DPYSL5: variants seen among roughly 807,000 people sequenced by gnomAD.
DPYSL5 encodes the protein dihydropyrimidinase like 5.
A neutral mutation model predicts 58.4 loss-of-function variants in DPYSL5; 9 were observed. The ratio of observed to expected loss-of-function variants is 0.15; its 90% CI spans 0.09 to 0.27. The LOEUF is 0.27. Ranked by LOEUF, DPYSL5 falls within the 10% of genes least tolerant of loss-of-function variation. DPYSL5 has a pLI of 1.00. For synonymous variants in DPYSL5, 293 were observed against 301.9 expected (o/e 0.97, Z 0.31); for missense variants, 499 against 770.6 (o/e 0.65, Z 4.17).
chr2:26,885,944 T>C (rs1198233571), intron 1 of DPYSL5, among the ~76,000 whole-genome samples: 1 of 152,160 alleles, frequency 6.6e-6, no homozygotes, highest in Non-Finnish European at 1.5e-5. Context: ...CTGGGTTGGA[T>C]AGGAATCTGG....
chr2:26,914,555 TG>T (rs955384677), intron 2 of DPYSL5, among the ~76,000 whole-genome samples: 13 of 152,204 alleles, frequency 8.5e-5, no homozygotes, highest in African/African-American at 2.7e-4. Context: ...ATGACCTGGC[TG>T]CTCCCTACAG....
chr2:26,918,812 G>T (rs142667757), intron 2 of DPYSL5, among the ~76,000 whole-genome samples: 3 of 151,998 alleles, frequency 2.0e-5, no homozygotes, highest in African/African-American at 4.8e-5. Flanking sequence ...GCATATTTTC[G>T]TATGAAGATA....
At chr2:26,867,814 C>G (rs1281815311) in intron 1 of DPYSL5, among the ~76,000 whole-genome samples, 1 of 152,162 alleles carries the variant, frequency 6.6e-6, no homozygotes, top group Non-Finnish European at 1.5e-5. Flanking sequence ...GTGCCTGTCT[C>G]CTCATGTTCT....
intron 1 of DPYSL5, among the ~76,000 whole-genome samples, chr2:26,871,790 C>T (rs1663268386): frequency 6.6e-6 from 1 of 152,094 alleles, no homozygotes; most frequent in Non-Finnish European, 1.5e-5. Context: ...TACATTTTTA[C>T]TTGAAGTTTT....
chr2:26,888,358 C>T (rs1663783002), intron 1 of DPYSL5, among the ~76,000 whole-genome samples: 1 of 152,110 alleles, frequency 6.6e-6, no homozygotes, highest in East Asian at 1.9e-4. Flanking sequence ...GCAATCTCTG[C>T]CTCCCAGGTT....
At chr2:26,913,608 A>G (rs946153234) in intron 2 of DPYSL5, among the ~76,000 whole-genome samples, 1 of 152,224 alleles carries the variant, frequency 6.6e-6, no homozygotes, top group Admixed American at 6.5e-5. Context: ...TTTCCATTAC[A>G]GAGTCATTTT....
intron 6 of DPYSL5, among the ~76,000 whole-genome samples, chr2:26,932,401 T>G (rs569298696): frequency 1.3e-5 from 2 of 152,180 alleles, no homozygotes; most frequent in Non-Finnish European, 2.9e-5. Flanking sequence ...CTGCTGAAGC[T>G]CAGTTCATTG....
At chr2:26,865,382 G>A (rs1218570252) in intron 1 of DPYSL5, among the ~76,000 whole-genome samples, 6 of 146,722 alleles carry the variant, frequency 4.1e-5, no homozygotes, top group South Asian at 4.4e-4. Context: ...GTGCAGTGGC[G>A]CGATCTCAGC....
Position 26,931,529 on chromosome 2 carries a change from C to A in DPYSL5, c.670-111C>A, listed in dbSNP as rs996189652. On this transcript the variant is annotated intron_variant, in intron 5 of 12. Transcript: ENST00000288699. ...GTTAGTGCCTCTGCCCGGGCTTTGC[C>A]CCGAGCCAACCCCTATGGGTGCAGT... is the stretch of plus-strand genomic sequence containing the variant. The A allele has an allele frequency of 7.4e-6, 10 of 1,351,182 alleles. No homozygotes were observed. The African/African-American group carries it at 1.1e-4, about 15-fold the overall frequency. The allele number at this position is 1,351,182 out of a possible 1,614,324, so 83.7% of individuals were successfully genotyped here. A position where few individuals can be genotyped will look rare whatever the true frequency, so the allele number is the denominator to read the frequency against.
intron 2 of DPYSL5, among the ~76,000 whole-genome samples, chr2:26,918,641 C>T (rs1205043595): frequency 2.6e-5 from 4 of 152,202 alleles, no homozygotes; most frequent in Non-Finnish European, 5.9e-5. Context: ...TTGCACTGTG[C>T]TTACCAGTTT....
At chr2:26,919,489 T>C (rs1664653007) in intron 2 of DPYSL5, among the ~76,000 whole-genome samples, 1 of 152,228 alleles carries the variant, frequency 6.6e-6, no homozygotes, top group Non-Finnish European at 1.5e-5. Context: ...TTCCAAATAA[T>C]ATACAATGGT....
chr2:26,883,881 T>C lies in DPYSL5; in HGVS notation c.-4-14615T>C, dbSNP rs1365604442. ...GTAGCCCGGGTTTGTGGTCCTTTCA[T>C]GGTTAAGAAAATACATCCTTTCCTC... On this transcript the variant is annotated intron_variant, in intron 1 of 12. Coordinates refer to ENST00000288699, the MANE Select transcript of DPYSL5 (RefSeq NM_020134.4). 2.6e-5 allele frequency among the ~76,000 whole-genome samples: 4 copies of C among 152,222 alleles called. No homozygotes were observed. In the East Asian group the frequency reaches 5.8e-4, roughly 22 times the overall value.
chr2:26,870,300 T>C (rs2148116562), intron 1 of DPYSL5, among the ~76,000 whole-genome samples: 1 of 152,342 alleles, frequency 6.6e-6, no homozygotes, highest in East Asian at 1.9e-4. Flanking sequence ...TCAGATGTCT[T>C]CAACTTTTAT....
At chr2:26,906,271 C>G (rs1172836087) in intron 2 of DPYSL5, among the ~76,000 whole-genome samples, 1 of 151,632 alleles carries the variant, frequency 6.6e-6, no homozygotes, top group East Asian at 1.9e-4. Context: ...GCAACCTCCA[C>G]TTCCCAGGTT....
At chr2:26,888,234 T>TTTCC in intron 1 of DPYSL5, among the ~76,000 whole-genome samples, 2 of 144,602 alleles carry the variant, frequency 1.4e-5, no homozygotes, top group African/African-American at 5.3e-5. Flanking sequence ...TCTTTCTTTC[T>TTTCC]TTCTTTCTTT....
chr2:26,913,987 A>G (rs986020413), intron 2 of DPYSL5, among the ~76,000 whole-genome samples: 11 of 150,990 alleles, frequency 7.3e-5, no homozygotes, highest in African/African-American at 2.7e-4. Context: ...GAGCTGATAT[A>G]TATACTAACT....
In DPYSL5 at chr2:26,876,811, C is replaced by T. The variant is rs563531359; in HGVS notation, c.-4-21685C>T. On this transcript the variant is annotated intron_variant, in intron 1 of 12. Coordinates refer to ENST00000288699, the MANE Select transcript of DPYSL5 (RefSeq NM_020134.4). ...TATTACAGGCGTGAGCCACCGCGCCCGGCCATGATGTCCAGATTAATGGTT... is the reference window on the plus strand; with the variant it reads ...TATTACAGGCGTGAGCCACCGCGCCTGGCCATGATGTCCAGATTAATGGTT... Among the ~76,000 whole-genome samples the T allele has an allele frequency of 4.4e-3, 660 of 149,706 alleles. 3 individuals carry two copies. Among genetic ancestry groups the T allele is most frequent in the Non-Finnish European group, 4.6e-3 (312 of 67,178 alleles).
chr2:26,946,060 C>A (rs1393662547), intron 12 of DPYSL5, among the ~76,000 whole-genome samples: 1 of 152,194 alleles, frequency 6.6e-6, no homozygotes, highest in African/African-American at 2.4e-5. Flanking sequence ...CAGTGACGGG[C>A]CATGAGTGAA....
intron 2 of DPYSL5, among the ~76,000 whole-genome samples, chr2:26,914,428 T>C (rs1425703497): frequency 1.3e-5 from 2 of 152,196 alleles, no homozygotes; most frequent in African/African-American, 4.8e-5. Context: ...TGGGGGGTCC[T>C]CTAGTCTTTC....
Sources: allele counts gnomAD v4.1 joint callset (sites outside exome capture counted in the v4.1 genomes callset), GRCh38; gene constraint gnomAD v4.1.1; transcripts MANE v1.5; gene names NCBI Gene and HGNC (gene_info 2026-07-23, HGNC 2026-07-21).